Variants in ITGB8 observed in about 807,000 individuals in gnomAD.
ITGB8 encodes integrin beta-8.
ITGB8 carries 30 observed loss-of-function variants against 89.5 expected under a neutral mutation model. That is an observed-to-expected ratio of 0.34 (90% CI 0.25 to 0.45). The LOEUF (loss-of-function observed/expected upper bound fraction) is 0.45. ITGB8 is among the 20% of genes least tolerant of loss of function. The probability of loss-of-function intolerance (pLI) is 1.00; values close to 1 mark genes in which losing one functional copy is unlikely to be tolerated. For synonymous variants in ITGB8, 335 were observed against 320.4 expected (o/e 1.05, Z -0.49); for missense variants, 836 against 933.3 (o/e 0.90, Z 1.36).
Position 20,371,562 on chromosome 7 carries a change from A to G in ITGB8, c.388+4376A>G, listed in dbSNP as rs543001735. Among the ~76,000 whole-genome samples, 10 of 152,326 alleles carry G rather than the reference A, an allele frequency of 6.6e-5. No homozygotes were observed. The East Asian group carries it at 9.6e-4, about 15-fold the overall frequency. On this transcript the variant is annotated intron_variant, in intron 3 of 13. Transcript: ENST00000222573. ...AAGTATAAGATCCATTGTGCTACCT[A>G]ATAGAAAATACGAATAAATGGAGAA...
chr7:20,406,101 G>A lies in ITGB8; in HGVS notation c.1953G>A (p.Gln651=). The A allele has an allele frequency of 6.2e-7, 1 of 1,613,270 alleles. No homozygotes were observed. The highest frequency in any genetic ancestry group is 8.5e-7 in the Non-Finnish European group (1 of 1,179,364). ...GCCTTCACCCTCACAATTTGTCTCA[G>A]GCTATACTTGATCAGTGCAAAACCT... ...MQCLHPHNLS[Q]AILDQCKTSC... is the part of the protein sequence containing the mutation. The change falls in exon 12 of 14, where the codon CAG becomes CAA. Residue 651 remains glutamine, a synonymous_variant. Transcript: ENST00000222573.
rs1308038908 is a variant in ITGB8, at chr7:20,331,756, C to G, written c.-51C>G. On this transcript the variant is annotated 5_prime_UTR_variant, in exon 1 of 14. Transcript: ENST00000222573. ...GAGGTGCGCCCGGGAGGCGCGAGCC[C>G]GCGTCCGGAAGGCAGTCAGGCGGCG... 4 of 1,576,100 alleles carry G rather than the reference C, an allele frequency of 2.5e-6. No individual in the cohort carries two copies. In the African/African-American group the frequency reaches 4.1e-5, roughly 16 times the overall value.
Position 20,379,238 on chromosome 7 carries a change from T to G in ITGB8, c.576T>G (p.Val192=). The change falls in exon 4 of 14, where the codon GTT becomes GTG. Residue 192 remains valine (V), a synonymous_variant. Coordinates refer to ENST00000222573, the MANE Select transcript of ITGB8 (RefSeq NM_002214.3). ...TTCGTCTTGGATTTGGCTCATACGT[T>G]GATAAAACAGTTTCACCATACATTA... ...RDFRLGFGSY[V]DKTVSPYISI... is the part of the protein sequence containing the mutation. 6.2e-7 allele frequency: 1 copy of G among 1,611,078 alleles called. No individual in the cohort carries two copies. The highest frequency in any genetic ancestry group is 8.5e-7 in the Non-Finnish European group (1 of 1,178,006).
At chr7:20,356,391 C>T (rs929012911) in intron 1 of ITGB8, among the ~76,000 whole-genome samples, 6 of 152,096 alleles carry the variant, frequency 3.9e-5, no homozygotes, top group African/African-American at 1.4e-4. Context: ...ATTTACATGA[C>T]TATGATATGT....
chr7:20,371,100 G>T (rs957331953), intron 3 of ITGB8, among the ~76,000 whole-genome samples: 1 of 152,116 alleles, frequency 6.6e-6, no homozygotes, highest in African/African-American at 2.4e-5. Context: ...TTTTGGAATT[G>T]ATGTATTTTT....
intron 12 of ITGB8, among the ~76,000 whole-genome samples, chr7:20,408,853 C>A (rs527687387): frequency 2.6e-5 from 4 of 152,218 alleles, no homozygotes; most frequent in Non-Finnish European, 5.9e-5. Flanking sequence ...CACAACATTT[C>A]TTTTTCCAGC....
rs575601914 is a variant in ITGB8 at position 20,367,973 on chromosome 7, G to C, written c.388+787G>C. On this transcript the variant is annotated intron_variant, in intron 3 of 13. Coordinates refer to ENST00000222573, the MANE Select transcript of ITGB8 (RefSeq NM_002214.3). ...AATTGGATGCATGTAGTTTAACGCA[G>C]TTCACAATTGTATCCAATCCTTCAT... is the stretch of plus-strand genomic sequence containing the variant. Among the ~76,000 whole-genome samples the C allele has an allele frequency of 2.6e-5, 4 of 152,304 alleles. No individual in the cohort carries two copies. The South Asian group carries it at 8.3e-4, about 32-fold the overall frequency.
intron 3 of ITGB8, among the ~76,000 whole-genome samples, chr7:20,371,410 T>C (rs891366432): frequency 6.6e-6 from 1 of 152,152 alleles, no homozygotes; most frequent in Non-Finnish European, 1.5e-5. Flanking sequence ...AGGTTGTTTT[T>C]TAAAATATTC....
chr7:20,406,263 G>A (rs1163824809), intron 12 of ITGB8, 92 bp downstream of exon 12: 1 of 837,936 alleles, frequency 1.2e-6, no homozygotes, highest in Non-Finnish European at 2.0e-6. Flanking sequence ...GCTAAAGAAA[G>A]GACTGGGCCG....
At chr7:20,377,882 T>C (rs1665715713) in intron 3 of ITGB8, among the ~76,000 whole-genome samples, 1 of 152,170 alleles carries the variant, frequency 6.6e-6, no homozygotes, top group Non-Finnish European at 1.5e-5. Context: ...TGTGAAATAA[T>C]CGAAAAGAAA....
intron 2 of ITGB8, chr7:20,366,243 T>C (rs912425556): frequency 1.3e-5 from 2 of 152,152 alleles, no homozygotes; most frequent in Non-Finnish European, 2.9e-5. Flanking sequence ...CAGAGTGTCA[T>C]GCGTAGTGAG....
chr7:20,355,203 T>C (rs1332347662), intron 1 of ITGB8, among the ~76,000 whole-genome samples: 1 of 152,168 alleles, frequency 6.6e-6, no homozygotes, highest in Non-Finnish European at 1.5e-5. Context: ...GACTGTCTGA[T>C]ATGGGGTAGA....
intron 6 of ITGB8, among the ~76,000 whole-genome samples, chr7:20,390,357 G>A (rs564905953): frequency 2.0e-4 from 30 of 152,134 alleles, no homozygotes; most frequent in African/African-American, 6.7e-4. Context: ...CTTGTTATTC[G>A]AGACAATCAT....
intron 1 of ITGB8, among the ~76,000 whole-genome samples, chr7:20,337,488 C>A (rs1410595192): frequency 2.0e-5 from 3 of 152,100 alleles, no homozygotes. Flanking sequence ...TACTGTAGGC[C>A]AGGCACCCTC....
chr7:20,366,990 T>C, intron 2 of ITGB8, 22 bp from the exon 3 acceptor site: 1 of 1,573,554 alleles, frequency 6.4e-7, no homozygotes, highest in Non-Finnish European at 8.7e-7. Flanking sequence ...AAAACATCAG[T>C]GATTTTCTTT....
intron 8 of ITGB8, among the ~76,000 whole-genome samples, chr7:20,395,635 C>T (rs1406168045): frequency 6.6e-6 from 1 of 152,144 alleles, no homozygotes; most frequent in Non-Finnish European, 1.5e-5. Context: ...AGAACCACCT[C>T]TGTTAAGATG....
At chr7:20,361,349 T>A (rs1259188845) in intron 1 of ITGB8, among the ~76,000 whole-genome samples, 3 of 152,232 alleles carry the variant, frequency 2.0e-5, no homozygotes, top group African/African-American at 7.2e-5. Context: ...TCATCTGTAC[T>A]GCTAAAACAA....
intron 9 of ITGB8, among the ~76,000 whole-genome samples, chr7:20,400,218 T>C (rs528306628): frequency 1.3e-5 from 2 of 152,340 alleles, no homozygotes; most frequent in South Asian, 4.1e-4. Context: ...ATTGTTTTTT[T>C]TCTTTTCATT....
At chr7:20,376,930 C>A (rs138565167) in intron 3 of ITGB8, among the ~76,000 whole-genome samples, 140 of 152,342 alleles carry the variant, frequency 9.2e-4, no homozygotes, top group African/African-American at 3.2e-3. Context: ...CGAGCCACAG[C>A]AGCCCACACT....
Sources: allele counts gnomAD v4.1 joint callset (sites outside exome capture counted in the v4.1 genomes callset), GRCh38; gene constraint gnomAD v4.1.1; transcripts MANE v1.5; gene names NCBI Gene and HGNC (gene_info 2026-07-23, HGNC 2026-07-21).